DMD: variants seen among roughly 807,000 people sequenced by gnomAD.
The protein encoded by DMD is dystrophin.
A neutral mutation model predicts 330.1 loss-of-function variants in DMD; 63 were observed. That is an observed-to-expected ratio of 0.19 (90% CI 0.16 to 0.24). DMD has a LOEUF of 0.24. Among genes scored for constraint, DMD ranks in the 10% least tolerant of loss-of-function variants. The probability of loss-of-function intolerance (pLI) is 1.00; values close to 1 mark genes in which losing one functional copy is unlikely to be tolerated. For synonymous variants in DMD, 1,223 were observed against 959.8 expected, an observed-to-expected ratio of 1.27 and a Z score of -5.07; for missense variants, 3,344 against 2,684.1, an observed-to-expected ratio of 1.25 and a Z score of -5.43.
intron 2 of DMD, among the ~76,000 whole-genome samples, chrX:33,009,966 ATATG>A (rs2093630233): frequency 1.7e-5 from 1 of 60,463 alleles, no homozygotes; most frequent in Admixed American, 1.6e-4. Flanking sequence ...GTATATACAC[ATATG>A]TGTGTATACA....
intron 52 of DMD, among the ~76,000 whole-genome samples, chrX:31,689,169 A>C (rs1338933255): frequency 1.8e-5 from 2 of 111,843 alleles, no homozygotes; most frequent in African/African-American, 6.5e-5. Context: ...GGAAAAGAGG[A>C]AGTCAAATTG....
intron 59 of DMD, among the ~76,000 whole-genome samples, chrX:31,475,137 C>T (rs2067654317): frequency 9.0e-6 from 1 of 111,653 alleles, no homozygotes; most frequent in Non-Finnish European, 1.9e-5. Context: ...AGTACCATAA[C>T]TTAAGTGTAT....
chrX:31,179,093 TA>T (rs1487960060), intron 69 of DMD, among the ~76,000 whole-genome samples: 1 of 112,533 alleles, frequency 8.9e-6, no homozygotes, highest in Non-Finnish European at 1.9e-5. Context: ...CTTACTAGGC[TA>T]CTCAATAAAT....
At chrX:32,894,440 G>A (rs2085512743) in intron 2 of DMD, among the ~76,000 whole-genome samples, 1 of 112,822 alleles carries the variant, frequency 8.9e-6, no homozygotes, top group South Asian at 3.6e-4. Flanking sequence ...CAGCACAGTG[G>A]TAGTGATGGC....
chrX:31,667,253 C>T (rs2081482504), intron 53 of DMD, among the ~76,000 whole-genome samples: 1 of 111,791 alleles, frequency 8.9e-6, no homozygotes, highest in Admixed American at 9.5e-5. Flanking sequence ...CAGTGCATAT[C>T]AGTATTTCAT....
At chrX:32,923,186 C>G (rs973351094) in intron 2 of DMD, among the ~76,000 whole-genome samples, 1 of 111,289 alleles carries the variant, frequency 9.0e-6, no homozygotes, top group African/African-American at 3.3e-5. Flanking sequence ...ATGCTACTAA[C>G]AAAAATAATT....
rs749118389 is a variant in DMD at position 31,606,483 on chromosome X, TATA to T, written c.8217+21187_8217+21189del. The stretch of plus-strand genomic sequence containing the variant: ...AGTTAGCTAAGAGGACTTCTCCTGT[TATA>T]ATATTATACATAATATCACAACACA... On this transcript the variant is annotated intron_variant, in intron 55 of 78. Transcript: ENST00000357033. 2.7e-5 allele frequency among the ~76,000 whole-genome samples: 3 copies of T among 111,967 alleles called. 1 individual carries two copies. Among genetic ancestry groups the T allele is most frequent in the African/African-American group, 9.7e-5 (3 of 30,871 alleles).
At chrX:32,579,177 T>G (rs1407689144) in intron 13 of DMD, among the ~76,000 whole-genome samples, 1 of 112,136 alleles carries the variant, frequency 8.9e-6, no homozygotes, top group Non-Finnish European at 1.9e-5. Context: ...CACCATACTA[T>G]AAAATGGTGT....
In DMD at chrX:31,138,678, A is replaced by AGG. The variant is rs3992943; in HGVS notation, c.10922-4485_10922-4484insCC. The stretch of plus-strand genomic sequence containing the variant: ...GAGAGAGAGAGAGAGAGAGAGAGAG[A>AGG]GAGAGAGAGAAGGGGGAAGTGCCAC... On this transcript the variant is annotated intron_variant, in intron 76 of 78. Coordinates refer to ENST00000357033, the MANE Select transcript of DMD (RefSeq NM_004006.3). Among the ~76,000 whole-genome samples the AGG allele has an allele frequency of 1.8e-3, 73 of 41,541 alleles. 4 individuals carry two copies. In the East Asian group the frequency reaches 0.021, roughly 12 times the overall value. 36.1% of individuals were successfully genotyped at this position (41,541 alleles called of 115,157 possible).
intron 54 of DMD, among the ~76,000 whole-genome samples, chrX:31,632,916 T>A (rs1319038613): frequency 8.9e-6 from 1 of 112,066 alleles, no homozygotes; most frequent in East Asian, 2.8e-4. Context: ...ATTCTATTAG[T>A]AACGTGCACT....
chrX:32,175,614 C>T (rs73458005), intron 44 of DMD, among the ~76,000 whole-genome samples: 27 of 107,145 alleles, frequency 2.5e-4, no homozygotes, highest in African/African-American at 9.0e-4. Context: ...ACGAACCCAC[C>T]GGCGGGAACC....
chrX:31,198,349 G>A (rs1028330972), intron 67 of DMD, among the ~76,000 whole-genome samples: 5 of 111,480 alleles, frequency 4.5e-5, no homozygotes, highest in African/African-American at 1.6e-4. Flanking sequence ...CTCCTGAAAC[G>A]CTGGTCCTAC....
chrX:31,250,786 T>C (rs1179875229), intron 63 of DMD, among the ~76,000 whole-genome samples: 2 of 111,185 alleles, frequency 1.8e-5, no homozygotes, highest in African/African-American at 6.5e-5. Flanking sequence ...TGTAGTATGT[T>C]AAAAACCACC....
chrX:32,880,140 G>A lies in DMD; in HGVS notation c.94-30320C>T, dbSNP rs768252649. The stretch of plus-strand genomic sequence containing the variant: ...TTTCCCGCATCCTTTTCAATTTTTT[G>A]CCAATTGCCCATATCCCAAAACCTC... On this transcript the variant is annotated intron_variant, in intron 2 of 78. Transcript: ENST00000357033. Among the ~76,000 whole-genome samples the A allele has an allele frequency of 3.6e-5, 4 of 109,840 alleles. No individual in the cohort carries two copies. The South Asian group carries it at 1.6e-3, about 43-fold the overall frequency.
At chrX:32,876,056 A>G (rs1210684707) in intron 2 of DMD, among the ~76,000 whole-genome samples, 1 of 111,836 alleles carries the variant, frequency 8.9e-6, no homozygotes, top group Non-Finnish European at 1.9e-5. Context: ...TCAGATCCAG[A>G]CATATTTTCC....
At chrX:32,452,524 A>AGGAAAGGAAAGGAAAGGAAAGGAAAGG (rs1158062553) in intron 26 of DMD, among the ~76,000 whole-genome samples, 1 of 101,395 alleles carries the variant, frequency 9.9e-6, no homozygotes, top group Non-Finnish European at 2.0e-5. Flanking sequence ...AGGAAAGGAA[A>AGGAAAGGAAAGGAAAGGAAAGGAAAGG]AAAGAGATGA....
chrX:32,988,616 G>C (rs1053812645), intron 2 of DMD, among the ~76,000 whole-genome samples: 1 of 111,988 alleles, frequency 8.9e-6, no homozygotes, highest in African/African-American at 3.2e-5. Flanking sequence ...ATGAGATATT[G>C]ATGTCTTTGT....
intron 62 of DMD, among the ~76,000 whole-genome samples, chrX:31,293,295 C>T (rs1258063877): frequency 1.9e-5 from 2 of 104,566 alleles, no homozygotes; most frequent in Admixed American, 1.1e-4. Context: ...TCCTAGATGG[C>T]GAACATAGGT....
At chrX:32,651,682 T>C (rs990548025) in intron 9 of DMD, among the ~76,000 whole-genome samples, 4 of 111,443 alleles carry the variant, frequency 3.6e-5, no homozygotes, top group Non-Finnish European at 5.6e-5. Flanking sequence ...ACAGACCCGG[T>C]AAATCCTCCA....
Sources: allele counts gnomAD v4.1 joint callset (sites outside exome capture counted in the v4.1 genomes callset), GRCh38; gene constraint gnomAD v4.1.1; transcripts MANE v1.5; gene names NCBI Gene and HGNC (gene_info 2026-07-23, HGNC 2026-07-21).